The following SLC10A2 variants were observed in gnomAD, a reference collection of about 807,000 sequenced individuals.
SLC10A2 encodes ileal sodium/bile acid cotransporter.
A neutral mutation model predicts 27.1 loss-of-function variants in SLC10A2; 34 were observed. That is an observed-to-expected ratio of 1.26 (90% CI 0.96 to 1.67). The LOEUF (loss-of-function observed/expected upper bound fraction) is 1.67. SLC10A2 is among the 40% of genes most tolerant of loss of function. The pLI is 0.00. For synonymous variants in SLC10A2, 205 were observed against 174.0 expected (o/e 1.18, Z -1.40); for missense variants, 530 against 444.4 (o/e 1.19, Z -1.73).
chr13:103,047,459 T>G (rs1386865789), intron 5 of SLC10A2, among the ~76,000 whole-genome samples: 1 of 152,092 alleles, frequency 6.6e-6, no homozygotes, highest in African/African-American at 2.4e-5. Context: ...ATGATTTCAT[T>G]TAACCAAACT....
chr13:103,062,004 T>C (rs1476164979), intron 1 of SLC10A2, among the ~76,000 whole-genome samples: 2 of 150,292 alleles, frequency 1.3e-5, no homozygotes, highest in Non-Finnish European at 3.0e-5. Context: ...ATAAGAAAAA[T>C]AAAAAAAAAA....
rs1334606618 is a variant in SLC10A2 at position 103,044,850 on chromosome 13, T to A, written c.*1283A>T. The A allele has an allele frequency of 1.3e-5, 2 of 152,194 alleles. No individual in the cohort carries two copies. The highest frequency in any genetic ancestry group is 2.9e-5 in the Non-Finnish European group (2 of 68,036). 9.4% of individuals were successfully genotyped at this position (152,194 alleles called of 1,614,324 possible). ...AAGGAAATTAAATTCGATCTTATAA[T>A]TGAAAGTCCAACACTTGATGAGTTA... On this transcript the variant is annotated 3_prime_UTR_variant, in exon 6 of 6. Transcript: ENST00000245312.
At chr13:103,051,669 T>A (rs1297406948) in intron 3 of SLC10A2, among the ~76,000 whole-genome samples, 1 of 152,210 alleles carries the variant, frequency 6.6e-6, no homozygotes, top group Admixed American at 6.5e-5. Context: ...TTGCAATTAG[T>A]CTGAAGATTT....
intron 3 of SLC10A2, among the ~76,000 whole-genome samples, chr13:103,052,081 T>A (rs1875800150): frequency 6.6e-6 from 1 of 152,224 alleles, no homozygotes; most frequent in Non-Finnish European, 1.5e-5. Flanking sequence ...CATATCCAGA[T>A]CATCTAGCTA....
intron 1 of SLC10A2, among the ~76,000 whole-genome samples, chr13:103,060,938 T>G (rs957617430): frequency 6.6e-6 from 1 of 152,076 alleles, no homozygotes; most frequent in Non-Finnish European, 1.5e-5. Flanking sequence ...AATGAGAAAT[T>G]TTGTTTCAAG....
intron 5 of SLC10A2, among the ~76,000 whole-genome samples, chr13:103,047,200 G>C (rs1697263717): frequency 6.6e-6 from 1 of 152,176 alleles, no homozygotes; most frequent in Admixed American, 6.5e-5. Context: ...GTGAAGAATA[G>C]TAAATGCTCA....
intron 5 of SLC10A2, among the ~76,000 whole-genome samples, chr13:103,047,795 T>C (rs530391364): frequency 1.3e-5 from 2 of 152,226 alleles, no homozygotes; most frequent in East Asian, 3.9e-4. Flanking sequence ...AGTGTTCAAC[T>C]AGTGCATTAC....
chr13:103,058,262 A>C lies in SLC10A2; in HGVS notation c.496+2T>G. ...CAACAGTCTTACAGATGGATGACTTACCTATGTTATCATAGGGAATTACGA... is the reference window on the plus strand; with the variant it reads ...CAACAGTCTTACAGATGGATGACTTCCCTATGTTATCATAGGGAATTACGA... On this transcript the variant is annotated splice_donor_variant, in intron 2 of 5. Transcript: ENST00000245312. LOFTEE classifies it high-confidence loss of function. The C allele has an allele frequency of 6.7e-7, 1 of 1,490,858 alleles. No individual in the cohort carries two copies. Among genetic ancestry groups the C allele is most frequent in the East Asian group, 2.3e-5 (1 of 44,334 alleles). 92.4% of individuals were successfully genotyped at this position (1,490,858 alleles called of 1,614,324 possible).
At chr13:103,049,091 T>A (rs1325805769) in intron 5 of SLC10A2, among the ~76,000 whole-genome samples, 198 bp downstream of exon 5, 1 of 152,240 alleles carries the variant, frequency 6.6e-6, no homozygotes, top group Non-Finnish European at 1.5e-5. Flanking sequence ...TCAAAAATAA[T>A]CTTTGCTAGA....
rs756875005 is a variant in SLC10A2 at position 103,058,259 on chromosome 13, C to A, written c.496+5G>T. On this transcript the variant is annotated splice_donor_5th_base_variant and intron_variant, in intron 2 of 5. Transcript: ENST00000245312. ...AGTCAACAGTCTTACAGATGGATGA[C>A]TTACCTATGTTATCATAGGGAATTA... 6.7e-7 allele frequency: 1 copy of A among 1,483,182 alleles called. No individual in the cohort carries two copies. The highest frequency in any genetic ancestry group is 1.4e-5 in the African/African-American group (1 of 72,362). 91.9% of individuals were successfully genotyped at this position (1,483,182 alleles called of 1,614,324 possible). A position where few individuals can be genotyped will look rare whatever the true frequency, so the allele number is the denominator to read the frequency against.
intron 3 of SLC10A2, 83 bp from the exon 4 acceptor site, chr13:103,051,515 A>G: frequency 7.0e-7 from 1 of 1,428,042 alleles, no homozygotes; most frequent in Non-Finnish European, 9.7e-7. Flanking sequence ...AAACCTCAGC[A>G]GTCTCCTTGT....
At chr13:103,046,561 T>C (rs1470320786) in intron 5 of SLC10A2, among the ~76,000 whole-genome samples, 5 of 152,106 alleles carry the variant, frequency 3.3e-5, no homozygotes, top group Non-Finnish European at 7.4e-5. Flanking sequence ...ATAGGGAGGA[T>C]TTATTCTGTA....
intron 5 of SLC10A2, among the ~76,000 whole-genome samples, chr13:103,048,362 G>A (rs527500442): frequency 2.7e-5 from 4 of 149,856 alleles, no homozygotes; most frequent in African/African-American, 9.9e-5. Context: ...CTGCAATCCT[G>A]CCTGGACGAC....
chr13:103,052,812 C>G, intron 2 of SLC10A2, 104 bp from the exon 3 acceptor site: 1 of 751,656 alleles, frequency 1.3e-6, no homozygotes, highest in South Asian at 1.4e-5. Context: ...GTATTTCAGT[C>G]TTCCTTCTTG....
intron 1 of SLC10A2, among the ~76,000 whole-genome samples, chr13:103,061,844 A>G (rs1465004284): frequency 6.6e-6 from 1 of 152,244 alleles, no homozygotes; most frequent in Non-Finnish European, 1.5e-5. Flanking sequence ...ATTCACAGAT[A>G]ACGAATTTTA....
chr13:103,051,404 A>G lies in SLC10A2; in HGVS notation c.614T>C (p.Ile205Thr). Residue 205 changes from isoleucine (I) to threonine (T), a missense_variant, in exon 4 of 6, where the codon ATT becomes ACT. By Grantham distance (89) the Ile-to-Thr change is moderately conservative. Transcript: ENST00000245312. ...KIGSIAGAIL[I>T]VLIAVVGGIL... The stretch of plus-strand genomic sequence containing the variant: ...TCCTCCAACCACAGCTATGAGCACA[A>G]TGAGGATGGCGCCCGCGATGGACCC... 2 of 1,614,028 alleles carry G rather than the reference A, an allele frequency of 1.2e-6. No homozygotes were observed. The highest frequency in any genetic ancestry group is 1.7e-6 in the Non-Finnish European group (2 of 1,179,960).
intron 2 of SLC10A2, 152 bp from the exon 3 acceptor site, chr13:103,052,860 A>T (rs1875828070): frequency 3.0e-6 from 2 of 674,912 alleles, no homozygotes; most frequent in Admixed American, 2.1e-5. Context: ...ACACACACAC[A>T]TGCACACACA....
intron 4 of SLC10A2, among the ~76,000 whole-genome samples, chr13:103,050,025 G>T (rs1875728725): frequency 6.6e-6 from 1 of 151,778 alleles, no homozygotes; most frequent in Admixed American, 6.6e-5. Context: ...AGGCAAGGTG[G>T]TGTGGGCTTG....
Position 103,049,349 on chromosome 13 carries a change from A to T in SLC10A2, c.859T>A (p.Phe287Ile). ...SFTPEELNVVFTFPLIYSIFQ... is the reference protein window; with the variant it reads ...SFTPEELNVVITFPLIYSIFQ... ...ATGCTGTAGATGAGCGGGAAGGTGA[A>T]TACGACATTGAGCTCCTCAGGAGTG... is the stretch of plus-strand genomic sequence containing the variant. Residue 287 changes from phenylalanine (F) to isoleucine (I), a missense_variant, in exon 5 of 6, where the codon TTC becomes ATC. Phe to Ile is a conservative substitution (Grantham distance 21). Coordinates refer to ENST00000245312, the MANE Select transcript of SLC10A2 (RefSeq NM_000452.3). 6.2e-7 allele frequency: 1 copy of T among 1,614,080 alleles called. No individual in the cohort carries two copies. The highest frequency in any genetic ancestry group is 2.2e-5 in the East Asian group (1 of 44,876).
Sources: allele counts gnomAD v4.1 joint callset (sites outside exome capture counted in the v4.1 genomes callset), GRCh38; gene constraint gnomAD v4.1.1; transcripts MANE v1.5; gene names NCBI Gene and HGNC (gene_info 2026-07-23, HGNC 2026-07-21).